The following COG3 variants were observed in gnomAD, a reference collection of about 807,000 sequenced individuals.
The protein encoded by COG3 is component of oligomeric golgi complex 3.
In COG3, 32 loss-of-function variants were observed where a neutral mutation model predicts 114.1. The observed-to-expected ratio is 0.28, with a 90% CI of 0.21 to 0.38. The LOEUF (loss-of-function observed/expected upper bound fraction) is 0.38, where lower values mean the gene tolerates loss of function less well. Among genes scored for constraint, COG3 ranks in the 10% least tolerant of loss-of-function variants. COG3 has a pLI of 1.00. For synonymous variants in COG3, 352 were observed against 365.7 expected (o/e 0.96, Z 0.43); for missense variants, 813 against 973.2 (o/e 0.84, Z 2.19).
chr13:45,532,396 ATT>A (rs1334018802), intron 22 of COG3, among the ~76,000 whole-genome samples: 2 of 151,782 alleles, frequency 1.3e-5, no homozygotes, highest in East Asian at 3.9e-4. Flanking sequence ...TTTTGATTTA[ATT>A]TTGTTTCTTA....
intron 22 of COG3, chr13:45,531,055 C>G: frequency 9.7e-7 from 1 of 1,034,106 alleles, no homozygotes; most frequent in South Asian, 4.5e-5. Flanking sequence ...TTGTAAAAGA[C>G]TCAAATAGTG....
At chr13:45,497,500 C>A (rs1489842959) in intron 13 of COG3, among the ~76,000 whole-genome samples, 1 of 151,888 alleles carries the variant, frequency 6.6e-6, no homozygotes, top group Non-Finnish European at 1.5e-5. Context: ...GTAAATACTT[C>A]AGGCTGGGAA....
chr13:45,480,612 CT>C (rs1886191170), intron 4 of COG3, among the ~76,000 whole-genome samples: 1 of 152,156 alleles, frequency 6.6e-6, no homozygotes, highest in African/African-American at 2.4e-5. Context: ...GTTGCCCAGG[CT>C]GGAGTGCAAT....
intron 20 of COG3, among the ~76,000 whole-genome samples, chr13:45,528,966 A>C (rs1217843026): frequency 3.9e-5 from 6 of 152,194 alleles, no homozygotes; most frequent in Non-Finnish European, 5.9e-5. Flanking sequence ...ATAGCGCCTA[A>C]TATTTTTCCA....
At chr13:45,469,324 CT>C (rs1323192714) in intron 1 of COG3, among the ~76,000 whole-genome samples, 1 of 152,190 alleles carries the variant, frequency 6.6e-6, no homozygotes, top group East Asian at 1.9e-4. Flanking sequence ...AGAAGATAAA[CT>C]TTTTTTGGTT....
rs1420990220 is a variant in COG3, at chr13:45,536,516, CAA to C, written c.*1787_*1788del. The stretch of plus-strand genomic sequence containing the variant: ...GTACAGTTTTAAGTGTTCACTTATA[CAA>C]AGAGTGTATATACTTTCAAATAATT... On this transcript the variant is annotated 3_prime_UTR_variant, in exon 23 of 23. Transcript: ENST00000349995. 6.6e-6 allele frequency: 1 copy of C among 152,168 alleles called. No individual in the cohort carries two copies. The highest frequency in any genetic ancestry group is 2.4e-5 in the African/African-American group (1 of 41,438). The allele number at this position is 152,168 out of a possible 1,614,324, so 9.4% of individuals were successfully genotyped here. A position where few individuals can be genotyped will look rare whatever the true frequency, so the allele number is the denominator to read the frequency against.
At chr13:45,516,024 G>T in intron 16 of COG3, 119 bp from the exon 17 acceptor site, 1 of 680,010 alleles carries the variant, frequency 1.5e-6, no homozygotes, top group Non-Finnish European at 2.1e-6. Flanking sequence ...CAACTAAAGA[G>T]AATTGACACC....
At chr13:45,468,189 T>C (rs1885263486) in intron 1 of COG3, among the ~76,000 whole-genome samples, 1 of 152,256 alleles carries the variant, frequency 6.6e-6, no homozygotes, top group Admixed American at 6.5e-5. Flanking sequence ...TGTTGTTTTC[T>C]TGTAGGCTGT....
Position 45,523,416 on chromosome 13 carries a change from A to G in COG3, c.2155-1560A>G, listed in dbSNP as rs139362582. ...AATTAAGATAGAAAAATAGGTAAAC[A>G]TGAAACTGTATACAGCAATGTTATT... On this transcript the variant is annotated intron_variant, in intron 19 of 22. Transcript: ENST00000349995. 1.4e-3 allele frequency among the ~76,000 whole-genome samples: 206 copies of G among 152,296 alleles called. 1 individual carries two copies. The highest frequency in any genetic ancestry group is 4.8e-3 in the African/African-American group (199 of 41,562).
intron 8 of COG3, among the ~76,000 whole-genome samples, chr13:45,489,071 C>T (rs1003675774): frequency 4.7e-5 from 7 of 150,458 alleles, no homozygotes; most frequent in African/African-American, 1.5e-4. Flanking sequence ...ACCTGTGGTC[C>T]GGCTACTTGG....
intron 16 of COG3, among the ~76,000 whole-genome samples, chr13:45,512,566 C>G (rs1167186511): frequency 6.6e-6 from 1 of 151,778 alleles, no homozygotes; most frequent in African/African-American, 2.4e-5. Context: ...CTCCTGGGCT[C>G]AAGTGATTTG....
At chr13:45,498,938 T>C (rs979472036) in intron 13 of COG3, among the ~76,000 whole-genome samples, 1 of 152,132 alleles carries the variant, frequency 6.6e-6, no homozygotes, top group Non-Finnish European at 1.5e-5. Flanking sequence ...TTTTCCTTGC[T>C]CCAGGAATGT....
intron 20 of COG3, among the ~76,000 whole-genome samples, chr13:45,527,818 AG>A (rs1340418595): frequency 1.3e-5 from 2 of 152,130 alleles, no homozygotes; most frequent in African/African-American, 4.8e-5. Flanking sequence ...CATGGAAGTA[AG>A]GGTCTTGAAG....
intron 1 of COG3, among the ~76,000 whole-genome samples, chr13:45,474,400 GAT>G (rs1399164249): frequency 6.6e-6 from 1 of 151,920 alleles, no homozygotes; most frequent in Non-Finnish European, 1.5e-5. Context: ...CTGACCTCGT[GAT>G]CCGCCCACCT....
Position 45,465,123 on chromosome 13 carries a change from G to C in COG3, c.87G>C (p.Pro29=), listed in dbSNP as rs1446653084. The change falls in exon 1 of 23, where the codon CCG becomes CCC. Residue 29 remains proline (P), a synonymous_variant. Transcript: ENST00000349995. ...AGCTGGCTCTCTGGGATCGGAGACC[G>C]GACACGACGGCGCCGCTGACCGACA... is the stretch of plus-strand genomic sequence containing the variant. ...REKLALWDRR[P]DTTAPLTDRQ... 6.2e-7 allele frequency: 1 copy of C among 1,613,338 alleles called. No homozygotes were observed. Among genetic ancestry groups the C allele is most frequent in the Admixed American group, 1.7e-5 (1 of 59,988 alleles).
intron 19 of COG3, 73 bp from the exon 20 acceptor site, chr13:45,524,903 C>G: frequency 9.0e-7 from 1 of 1,109,950 alleles, no homozygotes; most frequent in Non-Finnish European, 1.3e-6. Flanking sequence ...AGCAGTACCA[C>G]CCTTGAGAGC....
At chr13:45,525,493 A>G (rs1748144123) in intron 20 of COG3, among the ~76,000 whole-genome samples, 1 of 152,016 alleles carries the variant, frequency 6.6e-6, no homozygotes, top group Non-Finnish European at 1.5e-5. Context: ...ATTTTAGAGT[A>G]TTGGGAAAAA....
In COG3 at chr13:45,474,361, A is replaced by G. The variant is rs78911461; in HGVS notation, c.175-1840A>G. Among the ~76,000 whole-genome samples, 269 of 151,586 alleles carry G rather than the reference A, an allele frequency of 1.8e-3. 3 individuals carry two copies. In the South Asian group the frequency reaches 0.025, roughly 14 times the overall value. On this transcript the variant is annotated intron_variant, in intron 1 of 22. Coordinates refer to ENST00000349995, the MANE Select transcript of COG3 (RefSeq NM_031431.4). Reference sequence around the variant, plus strand: ...GTGTTTTTAGTTGAGACGGGGTTTCACCATGTTAGCCAGGATGGTCTCGAT... The same window carrying G: ...GTGTTTTTAGTTGAGACGGGGTTTCGCCATGTTAGCCAGGATGGTCTCGAT...
chr13:45,521,666 T>C (rs936984685), intron 19 of COG3, among the ~76,000 whole-genome samples: 1 of 152,192 alleles, frequency 6.6e-6, no homozygotes, highest in African/African-American at 2.4e-5. Flanking sequence ...TTTTACCTAG[T>C]GACTGTTACT....
Sources: gnomAD v4.1 joint callset for allele counts (sites outside exome capture counted in the v4.1 genomes callset) on GRCh38, gnomAD v4.1.1 for gene constraint, MANE v1.5 for transcripts, NCBI Gene and HGNC (gene_info 2026-07-23, HGNC 2026-07-21) for gene names.